UNC13C: variants seen among roughly 807,000 people sequenced by gnomAD.
UNC13C encodes unc-13 homolog C.
In UNC13C, 174 loss-of-function variants were observed where a neutral mutation model predicts 245.4. The observed-to-expected ratio is 0.71, with a 90% confidence interval of 0.63 to 0.80. UNC13C has a LOEUF of 0.80. Among genes scored for constraint, UNC13C ranks in the 30% least tolerant of loss-of-function variants. UNC13C has a pLI of 0.00. For missense variants in UNC13C, 2,829 were observed against 2,602.9 expected (o/e 1.09, Z -1.89); for synonymous variants, 992 against 895.1 (o/e 1.11, Z -1.93).
Position 54,546,707 on chromosome 15 carries a change from ATATT to A in UNC13C, c.5697-13_5697-10del. Reference sequence around the variant, plus strand: ...GAAATTTAAAAGTGAATATATATATATATTTTTTTTTCAGATTAAGTCTCTCAGC... The same window carrying A: ...GAAATTTAAAAGTGAATATATATATATTTTTTTCAGATTAAGTCTCTCAGC... On this transcript the variant is annotated splice_polypyrimidine_tract_variant and intron_variant, in intron 26 of 32. Coordinates refer to ENST00000260323, the MANE Select transcript of UNC13C (RefSeq NM_001080534.3). 4.2e-6 allele frequency: 6 copies of A among 1,435,134 alleles called. No individual in the cohort carries two copies. The highest frequency in any genetic ancestry group is 2.4e-4 in the Middle Eastern group (1 of 4,134). The allele number at this position is 1,435,134 out of a possible 1,614,324, so 88.9% of individuals were successfully genotyped here. A position where few individuals can be genotyped will look rare whatever the true frequency, so the allele number is the denominator to read the frequency against.
rs778183160 is a variant in UNC13C, at chr15:54,273,329, A to C, written c.3818+7833A>C. 4.6e-5 allele frequency among the ~76,000 whole-genome samples: 7 copies of C among 151,606 alleles called. No homozygotes were observed. The East Asian group carries it at 7.8e-4, about 17-fold the overall frequency. ...TTTCCATCTTTCCATTTGCACACAC[A>C]CTCCTTTCACTGTGTCCCTATCTCC... On this transcript the variant is annotated intron_variant, in intron 10 of 32. Coordinates refer to ENST00000260323, the MANE Select transcript of UNC13C (RefSeq NM_001080534.3).
intron 2 of UNC13C, among the ~76,000 whole-genome samples, chr15:54,038,124 A>ATTTTTTTTTTTTTTTTTTTTTTTTT (rs58063301): frequency 2.2e-5 from 1 of 45,038 alleles, no homozygotes; most frequent in Non-Finnish European, 3.5e-5. Flanking sequence ...ATATATATAT[A>ATTTTTTTTTTTTTTTTTTTTTTTTT]TTTTTTTTTT....
intron 4 of UNC13C, among the ~76,000 whole-genome samples, chr15:54,144,487 G>C (rs1339256450): frequency 6.6e-6 from 1 of 151,964 alleles, no homozygotes; most frequent in Non-Finnish European, 1.5e-5. Flanking sequence ...GTACTATTTT[G>C]ACTCTAATTT....
intron 24 of UNC13C, among the ~76,000 whole-genome samples, chr15:54,521,797 A>G (rs1314311052): frequency 2.6e-5 from 4 of 152,238 alleles, no homozygotes; most frequent in African/African-American, 9.6e-5. Context: ...TAGTTAATGC[A>G]AGGTATCAGT....
At chr15:54,342,643 T>A (rs1029040383) in intron 17 of UNC13C, among the ~76,000 whole-genome samples, 5 of 152,136 alleles carry the variant, frequency 3.3e-5, no homozygotes, top group Admixed American at 3.3e-4. Flanking sequence ...AATTGTGTAA[T>A]TATCCATGAA....
At chr15:53,870,076 C>T in the UNC13C span, among the ~76,000 whole-genome samples, 1 of 152,328 alleles carries the variant, frequency 6.6e-6, no homozygotes, top group East Asian at 1.9e-4. Flanking sequence ...TCCCACCAGC[C>T]TGACTGTACT....
intron 2 of UNC13C, among the ~76,000 whole-genome samples, chr15:54,094,850 T>C (rs1196311129): frequency 1.3e-5 from 2 of 152,332 alleles, no homozygotes; most frequent in East Asian, 3.9e-4. Flanking sequence ...AAACCTGTCA[T>C]CACAGGGGGT....
At chr15:54,241,085 T>G (rs1046671203) in intron 7 of UNC13C, among the ~76,000 whole-genome samples, 1 of 152,158 alleles carries the variant, frequency 6.6e-6, no homozygotes, top group Non-Finnish European at 1.5e-5. Flanking sequence ...AAGCTTCTAG[T>G]AGGCAAGATC....
At chr15:54,336,928 C>G (rs1596244085) in intron 16 of UNC13C, among the ~76,000 whole-genome samples, 1 of 152,136 alleles carries the variant, frequency 6.6e-6, no homozygotes, top group Non-Finnish European at 1.5e-5. Flanking sequence ...TCATTTTTCA[C>G]AATTGTATAG....
chr15:54,186,208 A>G (rs980299676), intron 4 of UNC13C, among the ~76,000 whole-genome samples: 4 of 152,216 alleles, frequency 2.6e-5, no homozygotes, highest in Admixed American at 6.5e-5. Context: ...CAATCATGTC[A>G]TCTGCAAACA....
At chr15:54,196,141 A>G (rs1029945049) in intron 4 of UNC13C, among the ~76,000 whole-genome samples, 2 of 152,162 alleles carry the variant, frequency 1.3e-5, no homozygotes, top group Non-Finnish European at 2.9e-5. Context: ...TAAAAGTATA[A>G]CACACTCTTA....
At chr15:54,470,637 T>C (rs887730623) in intron 19 of UNC13C, among the ~76,000 whole-genome samples, 1 of 151,442 alleles carries the variant, frequency 6.6e-6, no homozygotes, top group Non-Finnish European at 1.5e-5. Flanking sequence ...CTCTCTTTTT[T>C]CTTAGTCTAA....
At chr15:54,094,009 GAAGGTGTGCATTGAAACCTTTACTTCA>G (rs1354222000) in intron 2 of UNC13C, among the ~76,000 whole-genome samples, 8 of 37,758 alleles carry the variant, frequency 2.1e-4, no homozygotes, top group African/African-American at 5.8e-4. Flanking sequence ...TCATTTCCAA[GAAGGTGTGCATTGAAACCTTTACTTCA>G]TTTCCAAGAA....
the UNC13C span, chr15:53,914,419 A>T: frequency 2.0e-5 from 3 of 152,310 alleles, no homozygotes; most frequent in Admixed American, 6.5e-5. Flanking sequence ...TCAGCTCAAC[A>T]TGGCTTGACA....
At chr15:54,103,989 C>T (rs555664577) in intron 2 of UNC13C, among the ~76,000 whole-genome samples, 39 of 152,284 alleles carry the variant, frequency 2.6e-4, no homozygotes, top group African/African-American at 8.9e-4. Flanking sequence ...GTGATCTGCC[C>T]GCCTCGGCCT....
chr15:53,921,374 C>T, the UNC13C span, among the ~76,000 whole-genome samples: 1 of 152,082 alleles, frequency 6.6e-6, no homozygotes, highest in Non-Finnish European at 1.5e-5. Flanking sequence ...TATTATATAG[C>T]TCTTTTTTAA....
At chr15:53,884,286 A>C in the UNC13C span, among the ~76,000 whole-genome samples, 1 of 151,978 alleles carries the variant, frequency 6.6e-6, no homozygotes, top group Non-Finnish European at 1.5e-5. Flanking sequence ...TCCATCAGGC[A>C]ATTTTCTCAG....
chr15:54,627,791 C>CATCA lies in UNC13C; in HGVS notation c.*679_*682dup. Reference sequence around the variant, plus strand: ...TTGTTCTCTAAAACTGCCAAGATCACATCACATTTGTAAAAATGGTAAGTT... The same window carrying CATCA: ...TTGTTCTCTAAAACTGCCAAGATCACATCAATCACATTTGTAAAAATGGTAAGTT... On this transcript the variant is annotated 3_prime_UTR_variant, in exon 33 of 33. Coordinates refer to ENST00000260323, the MANE Select transcript of UNC13C (RefSeq NM_001080534.3). The CATCA allele has an allele frequency of 6.6e-6, 1 of 152,528 alleles. No homozygotes were observed. The highest frequency in any genetic ancestry group is 1.9e-4 in the East Asian group (1 of 5,198). The allele number at this position is 152,528 out of a possible 1,614,324, so 9.4% of individuals were successfully genotyped here. A position where few individuals can be genotyped will look rare whatever the true frequency, so the allele number is the denominator to read the frequency against.
chr15:54,519,171 T>C (rs981477074), intron 24 of UNC13C, among the ~76,000 whole-genome samples: 3 of 152,114 alleles, frequency 2.0e-5, no homozygotes, highest in Non-Finnish European at 4.4e-5. Context: ...ATTTCTGTCA[T>C]TATAAGGACA....
Sources: allele counts gnomAD v4.1 joint callset (sites outside exome capture counted in the v4.1 genomes callset), GRCh38; gene constraint gnomAD v4.1.1; transcripts MANE v1.5; gene names NCBI Gene and HGNC (gene_info 2026-07-23, HGNC 2026-07-21).